The following PRKG1 variants were observed in gnomAD, a reference collection of about 807,000 sequenced individuals.
PRKG1 encodes protein kinase cGMP-dependent 1.
A neutral mutation model predicts 88.1 loss-of-function variants in PRKG1; 35 were observed. That is an observed-to-expected ratio of 0.40 (90% CI 0.30 to 0.53). PRKG1 has a LOEUF of 0.53. Ranked by LOEUF, PRKG1 falls within the 20% of genes least tolerant of loss-of-function variation. The probability of loss-of-function intolerance (pLI) is 0.59; values close to 1 mark genes in which losing one functional copy is unlikely to be tolerated. For synonymous variants in PRKG1, 303 were observed against 292.5 expected, an observed-to-expected ratio of 1.04 and a Z score of -0.37; for missense variants, 540 against 839.8, an observed-to-expected ratio of 0.64 and a Z score of 4.41.
intron 5 of PRKG1, among the ~76,000 whole-genome samples, chr10:51,939,204 T>G (rs1842855355): frequency 6.6e-6 from 1 of 152,040 alleles, no homozygotes; most frequent in South Asian, 2.1e-4. Context: ...TTATTTTGCA[T>G]TATTTCCTTT....
intron 2 of PRKG1, among the ~76,000 whole-genome samples, chr10:51,331,123 G>A (rs1230995433): frequency 6.6e-6 from 1 of 152,136 alleles, no homozygotes; most frequent in Non-Finnish European, 1.5e-5. Context: ...GGTGGCAGAA[G>A]CCCTTGGCAG....
intron 3 of PRKG1, among the ~76,000 whole-genome samples, chr10:51,591,946 C>T (rs559532731): frequency 6.6e-6 from 1 of 152,226 alleles, no homozygotes; most frequent in South Asian, 2.1e-4. Flanking sequence ...AAACAGCAAC[C>T]CAACAAACTC....
chr10:52,178,497 A>G (rs1049264203), intron 9 of PRKG1, among the ~76,000 whole-genome samples: 17 of 152,054 alleles, frequency 1.1e-4, no homozygotes, highest in African/African-American at 3.6e-4. Flanking sequence ...GCTCTGTAAT[A>G]TCTGTTAGGT....
chr10:52,133,927 G>T, intron 8 of PRKG1, 22 bp downstream of exon 8: 1 of 1,590,064 alleles, frequency 6.3e-7, no homozygotes, highest in Non-Finnish European at 8.6e-7. Flanking sequence ...GTTTTATTAT[G>T]TGAATTACAC....
intron 5 of PRKG1, among the ~76,000 whole-genome samples, chr10:51,980,489 A>G (rs370862365): frequency 7.9e-5 from 12 of 152,252 alleles, no homozygotes; most frequent in Non-Finnish European, 1.6e-4. Context: ...TAGAATTTCT[A>G]TCAGGTCCAT....
At chr10:52,176,173 C>CTTTTTTT (rs140722137) in intron 9 of PRKG1, among the ~76,000 whole-genome samples, 92 of 95,672 alleles carry the variant, frequency 9.6e-4, no homozygotes, top group East Asian at 1.4e-3. Flanking sequence ...TTCTTTTTCT[C>CTTTTTTT]TTTTTTTTTT....
At chr10:51,398,319 T>C (rs1426339418) in intron 2 of PRKG1, among the ~76,000 whole-genome samples, 1 of 152,120 alleles carries the variant, frequency 6.6e-6, no homozygotes, top group Non-Finnish European at 1.5e-5. Flanking sequence ...TAGTTGACAG[T>C]AGAGTTCGTG....
rs548468389 is a variant in PRKG1 at position 51,614,006 on chromosome 10, C to T, written c.592+146170C>T. On this transcript the variant is annotated intron_variant, in intron 3 of 17. Transcript: ENST00000373980. ...TGTTCTGTAGTTGTCTGTTAGGTCC[C>T]TTTCGTCTAAAGTCCAGTTTAAGTC... 7.2e-4 allele frequency among the ~76,000 whole-genome samples: 110 copies of T among 151,944 alleles called. 2 individuals carry two copies. The South Asian group carries it at 0.021, about 29-fold the overall frequency.
At chr10:51,478,197 C>CGAATA (rs1314033351) in intron 3 of PRKG1, among the ~76,000 whole-genome samples, 1 of 151,996 alleles carries the variant, frequency 6.6e-6, no homozygotes, top group African/African-American at 2.4e-5. Flanking sequence ...GGACAAATTA[C>CGAATA]GAATAGATGG....
At position 51,067,270 on chromosome 10, in the gene PRKG1, G is replaced by GTATATA. The variant is rs10612353; in HGVS notation, c.266+75644_266+75649dup. Among the ~76,000 whole-genome samples the GTATATA allele has an allele frequency of 4.8e-3, 710 of 146,692 alleles. 5 individuals are homozygous for GTATATA. The highest frequency in any genetic ancestry group is 7.4e-3 in the African/African-American group (298 of 40,016). ...TGTTTGTGTGTTTGTATGTATGTGT[G>GTATATA]TATATATATATATATATATATATGT... On this transcript the variant is annotated intron_variant, in intron 1 of 17. Transcript: ENST00000401604.
chr10:51,216,928 A>G (rs1838387014), intron 2 of PRKG1, among the ~76,000 whole-genome samples: 1 of 152,184 alleles, frequency 6.6e-6, no homozygotes, highest in Non-Finnish European at 1.5e-5. Flanking sequence ...CAACTTGTAT[A>G]CATGAGAATA....
chr10:52,170,898 CG>C (rs1564500512), intron 9 of PRKG1, among the ~76,000 whole-genome samples: 1 of 152,092 alleles, frequency 6.6e-6, no homozygotes, highest in Admixed American at 6.5e-5. Flanking sequence ...TCAGACAGAA[CG>C]GCTGCTGTTG....
At chr10:51,816,536 C>CGT (rs769022267) in intron 4 of PRKG1, among the ~76,000 whole-genome samples, 3,192 of 98,434 alleles carry the variant, frequency 0.032, 126 homozygotes, top group African/African-American at 0.085. Context: ...ATAATTTTGG[C>CGT]ATGTGTGTGT....
chr10:52,036,270 A>G (rs7916811), intron 5 of PRKG1, among the ~76,000 whole-genome samples: 150,075 of 151,894 alleles, frequency 0.99, 74,159 homozygotes, highest in Middle Eastern at 1. Context: ...ACAGAATAAT[A>G]GGTTATAGAG....
chr10:52,161,432 T>C (rs1207997346), intron 8 of PRKG1, among the ~76,000 whole-genome samples: 4 of 152,094 alleles, frequency 2.6e-5, no homozygotes, highest in Non-Finnish European at 5.9e-5. Context: ...ATGATGCTTG[T>C]TTTTCAGAAT....
At chr10:51,529,056 A>C (rs929398022) in intron 3 of PRKG1, among the ~76,000 whole-genome samples, 1 of 152,088 alleles carries the variant, frequency 6.6e-6, no homozygotes, top group African/African-American at 2.4e-5. Context: ...AAAATTCAGA[A>C]ACTAAGAAGA....
At position 52,062,832 on chromosome 10, in the gene PRKG1, A is replaced by C. The variant is rs771421180; in HGVS notation, c.935+201A>C. On this transcript the variant is annotated intron_variant, in intron 7 of 17. Coordinates refer to ENST00000373980, the MANE Select transcript of PRKG1 (RefSeq NM_006258.4). ...GAATACGTTGTGGAATAAATTCCTTAATTTCTAATAAATCAGTGTTATATT... is the reference window on the plus strand; with the variant it reads ...GAATACGTTGTGGAATAAATTCCTTCATTTCTAATAAATCAGTGTTATATT... 2 of 715,414 alleles carry C rather than the reference A, an allele frequency of 2.8e-6. No homozygotes were observed. The highest frequency in any genetic ancestry group is 5.2e-6 in the Non-Finnish European group (2 of 385,554). 44.3% of individuals were successfully genotyped at this position (715,414 alleles called of 1,614,324 possible). A position where few individuals can be genotyped will look rare whatever the true frequency, so the allele number is the denominator to read the frequency against.
intron 2 of PRKG1, among the ~76,000 whole-genome samples, chr10:51,170,738 A>T (rs1427999402): frequency 3.4e-5 from 2 of 58,650 alleles, no homozygotes; most frequent in East Asian, 9.7e-4. Context: ...CCAGTGTGGC[A>T]TGAGTGGGGT....
chr10:51,043,147 T>A (rs1248496080), intron 1 of PRKG1, among the ~76,000 whole-genome samples: 4 of 152,072 alleles, frequency 2.6e-5, no homozygotes, highest in African/African-American at 7.2e-5. Flanking sequence ...CAGGCTGACC[T>A]TGGAAAGCCA....
Sources: gnomAD v4.1 joint callset for allele counts (sites outside exome capture counted in the v4.1 genomes callset) on GRCh38, gnomAD v4.1.1 for gene constraint, MANE v1.5 for transcripts, NCBI Gene and HGNC (gene_info 2026-07-23, HGNC 2026-07-21) for gene names.